The following SMARCD3 variants were observed in gnomAD, a reference collection of about 807,000 sequenced individuals.
SMARCD3 encodes SWI/SNF related BAF chromatin remodeling complex subunit D3.
Under a neutral mutation model 58.0 loss-of-function variants are expected in SMARCD3, and 14 were observed. That is an observed-to-expected ratio of 0.24 (90% CI 0.16 to 0.38). The LOEUF (loss-of-function observed/expected upper bound fraction) is 0.38, where lower values mean the gene tolerates loss of function less well. SMARCD3 is among the 10% of genes least tolerant of loss of function. SMARCD3 has a pLI of 1.00. For synonymous variants in SMARCD3, 253 were observed against 253.8 expected, an observed-to-expected ratio of 1.00 and a Z score of 0.03; for missense variants, 408 against 636.9, an observed-to-expected ratio of 0.64 and a Z score of 3.87.
At chr7:151,266,633 C>T (rs1300870055) in intron 2 of SMARCD3, among the ~76,000 whole-genome samples, 2 of 152,206 alleles carry the variant, frequency 1.3e-5, no homozygotes, top group East Asian at 3.8e-4. Context: ...AGCAAATTTG[C>T]CCAATTATCG....
At chr7:151,259,892 G>C (rs978010361) in intron 2 of SMARCD3, among the ~76,000 whole-genome samples, 2 of 151,864 alleles carry the variant, frequency 1.3e-5, no homozygotes, top group Admixed American at 6.6e-5. Context: ...TTACAGGCGT[G>C]AGCCACCACG....
intron 2 of SMARCD3, among the ~76,000 whole-genome samples, chr7:151,267,107 C>T (rs533632871): frequency 3.9e-5 from 6 of 152,292 alleles, no homozygotes; most frequent in East Asian, 1.9e-4. Flanking sequence ...AACATTTACC[C>T]GCACACCACT....
At chr7:151,255,287 T>A (rs1274578287) in intron 2 of SMARCD3, among the ~76,000 whole-genome samples, 1 of 152,142 alleles carries the variant, frequency 6.6e-6, no homozygotes, top group Non-Finnish European at 1.5e-5. Context: ...ATTTCCAACA[T>A]GCTCCACCTC....
intron 2 of SMARCD3, among the ~76,000 whole-genome samples, chr7:151,271,208 C>A (rs1159679204): frequency 1.3e-5 from 2 of 152,188 alleles, no homozygotes; most frequent in African/African-American, 2.4e-5. Flanking sequence ...GCCGCACAAT[C>A]CCTTTCCCAG....
intron 1 of SMARCD3, among the ~76,000 whole-genome samples, chr7:151,275,901 G>C (rs2792438): frequency 0.024 from 3,618 of 152,218 alleles, 147 homozygotes; most frequent in African/African-American, 0.081. Flanking sequence ...CTGTAGGAGC[G>C]GGGTGTGGGT....
rs139488220 is a variant in SMARCD3 at position 151,266,291 on chromosome 7, G to A, written c.39+8823C>T. Reference sequence around the variant, plus strand: ...GGCCATTTTTTTTTTTCTACTCTACGCAAAACATGTCTCCCTATCCCCTAC... The same window carrying A: ...GGCCATTTTTTTTTTTCTACTCTACACAAAACATGTCTCCCTATCCCCTAC... On this transcript the variant is annotated intron_variant, in intron 2 of 13. Coordinates refer to the SMARCD3 transcript ENST00000356800. Among the ~76,000 whole-genome samples, 44 of 151,394 alleles carry A rather than the reference G, an allele frequency of 2.9e-4. No individual in the cohort carries two copies. The East Asian group carries it at 7.0e-3, about 24-fold the overall frequency.
intron 2 of SMARCD3, among the ~76,000 whole-genome samples, chr7:151,263,599 A>C (rs1803984973): frequency 6.6e-6 from 1 of 152,004 alleles, no homozygotes; most frequent in Non-Finnish European, 1.5e-5. Context: ...GGTTGTTATT[A>C]TGAACATCTT....
chr7:151,249,719 T>G (rs1803448836), upstream of SMARCD3, among the ~76,000 whole-genome samples: 1 of 150,570 alleles, frequency 6.6e-6, no homozygotes, highest in Non-Finnish European at 1.5e-5. The surrounding 1 kb of genome is among the most constrained non-coding windows in gnomAD (Gnocchi z 4.8). Flanking sequence ...GTGGGTATAT[T>G]GGGCCGGCCT....
chr7:151,260,246 C>G (rs898372143), intron 2 of SMARCD3, among the ~76,000 whole-genome samples: 2 of 152,030 alleles, frequency 1.3e-5, no homozygotes, highest in African/African-American at 4.8e-5. Context: ...AACCAACACA[C>G]GCACCCCACC....
chr7:151,240,436 G>A lies in SMARCD3; in HGVS notation c.1026C>T (p.Asn342=). The change falls in exon 9 of 13, where the codon AAC becomes AAT. Residue 342 remains asparagine, a synonymous_variant. Coordinates refer to ENST00000262188, the MANE Select transcript of SMARCD3 (RefSeq NM_001003801.2). ...LLLPPDPIVI[N]HVISVDPSDQ... ...TGGGGCCACCTCACCTGATGACATG[G>A]TTGATGACAATTGGGTCAGGGGGCA... 6.2e-7 allele frequency: 1 copy of A among 1,613,610 alleles called. No individual in the cohort carries two copies. Among genetic ancestry groups the A allele is most frequent in the South Asian group, 1.1e-5 (1 of 90,994 alleles).
intron 2 of SMARCD3, among the ~76,000 whole-genome samples, chr7:151,268,687 T>C (rs2150615293): frequency 6.6e-6 from 1 of 152,304 alleles, no homozygotes; most frequent in Admixed American, 6.5e-5. Context: ...CTCAGTTTCC[T>C]TATCTGGAGA....
intron 2 of SMARCD3, among the ~76,000 whole-genome samples, chr7:151,262,281 T>C (rs2150610139): frequency 6.6e-6 from 1 of 152,250 alleles, no homozygotes; most frequent in East Asian, 1.9e-4. Flanking sequence ...AAGGTCTTGC[T>C]ACATTGCTCA....
Position 151,242,987 on chromosome 7 carries a change from C to A in SMARCD3, c.334-144G>T, listed in dbSNP as rs149968167. On this transcript the variant is annotated intron_variant, in intron 3 of 12. Coordinates refer to ENST00000262188, the MANE Select transcript of SMARCD3 (RefSeq NM_001003801.2). This position sits in a 1 kb window ranked among gnomAD's most constrained non-coding sequence, Gnocchi z 4.7. ...GGGCATGTAGCTTTGACAGTGGGAA[C>A]AGGACCTCTCCCCAGGATGCCATTA... The A allele has an allele frequency of 1.1e-6, 1 of 883,816 alleles. No individual in the cohort carries two copies. The highest frequency in any genetic ancestry group is 1.7e-5 in the South Asian group (1 of 59,140). 54.7% of individuals were successfully genotyped at this position (883,816 alleles called of 1,614,324 possible).
intron 2 of SMARCD3, among the ~76,000 whole-genome samples, chr7:151,271,304 A>G (rs567551965): frequency 1.3e-5 from 2 of 152,268 alleles, no homozygotes; most frequent in South Asian, 2.1e-4. Flanking sequence ...TAGGACACAG[A>G]TCATCTCCTT....
intron 2 of SMARCD3, among the ~76,000 whole-genome samples, chr7:151,256,418 A>G (rs1203004594): frequency 2.8e-5 from 4 of 140,658 alleles, no homozygotes; most frequent in African/African-American, 5.4e-5. Context: ...TGATCTACCC[A>G]CCTTGGCCTC....
intron 2 of SMARCD3, among the ~76,000 whole-genome samples, chr7:151,259,613 T>TGTTGTTGTTTG (rs778082158): frequency 3.2e-5 from 4 of 125,936 alleles, no homozygotes; most frequent in Admixed American, 7.6e-5. Context: ...TTTTTTTTTT[T>TGTTGTTGTTTG]TTTTTTTTTT....
chr7:151,251,131 G>C (rs374553470), upstream of SMARCD3, among the ~76,000 whole-genome samples: 4 of 152,230 alleles, frequency 2.6e-5, no homozygotes, highest in East Asian at 3.9e-4. Flanking sequence ...GGGAGATCCC[G>C]GGCTTGGTCT....
intron 2 of SMARCD3, among the ~76,000 whole-genome samples, chr7:151,261,895 G>A (rs918812899): frequency 7.2e-5 from 11 of 152,148 alleles, no homozygotes; most frequent in Non-Finnish European, 1.5e-4. Flanking sequence ...GGAGCCCTGC[G>A]GGAAGTGTGG....
Position 151,242,799 on chromosome 7 carries a change from C to T in SMARCD3, c.378G>A (p.Leu126=). ...VPESQAYMDL[L]AFERKLDQTI... ...TTTGATCCAGTTTCCTCTCAAATGCCAAGAGGTCCATGTAAGCCTGGGACT... is the reference window on the plus strand; with the variant it reads ...TTTGATCCAGTTTCCTCTCAAATGCTAAGAGGTCCATGTAAGCCTGGGACT... Residue 126 remains leucine (L), a synonymous_variant, in exon 4 of 13, where the codon TTG becomes TTA. Coordinates refer to ENST00000262188, the MANE Select transcript of SMARCD3 (RefSeq NM_001003801.2). This position sits in a 1 kb window ranked among gnomAD's most constrained non-coding sequence, Gnocchi z 4.7. 6.2e-7 allele frequency: 1 copy of T among 1,614,140 alleles called. No individual in the cohort carries two copies. The highest frequency in any genetic ancestry group is 8.5e-7 in the Non-Finnish European group (1 of 1,180,026).
Sources: gnomAD v4.1 joint callset for allele counts (sites outside exome capture counted in the v4.1 genomes callset) on GRCh38, gnomAD v4.1.1 for gene constraint, Gnocchi (gnomAD v3.1) non-coding constraint, MANE v1.5 for transcripts, NCBI Gene and HGNC (gene_info 2026-07-23, HGNC 2026-07-21) for gene names.